ABLIM2: variants seen among roughly 807,000 people sequenced by gnomAD.
ABLIM2 encodes actin-binding LIM protein 2.
In ABLIM2, 53 loss-of-function variants were observed where a neutral mutation model predicts 97.7. That is an observed-to-expected ratio of 0.54 (90% CI 0.44 to 0.68). The LOEUF (loss-of-function observed/expected upper bound fraction) is 0.68, where lower values mean the gene tolerates loss of function less well. ABLIM2 is among the 30% of genes least tolerant of loss of function. The probability of loss-of-function intolerance (pLI) is 0.00; values close to 1 mark genes in which losing one functional copy is unlikely to be tolerated. For synonymous variants in ABLIM2, 361 were observed against 345.8 expected (o/e 1.04, Z -0.49); for missense variants, 835 against 867.2 (o/e 0.96, Z 0.47).
At chr4:8,143,064 C>T (rs1030917810) in intron 1 of ABLIM2, among the ~76,000 whole-genome samples, 6 of 150,462 alleles carry the variant, frequency 4.0e-5, no homozygotes, top group East Asian at 2.0e-4. Context: ...CTGGCAATAC[C>T]GGCTCTTGTC....
At position 8,127,472 on chromosome 4, in the gene ABLIM2, T is replaced by C. The variant is rs1029026644; in HGVS notation, c.11-20835A>G. The C allele has an allele frequency of 1.6e-6, 2 of 1,282,378 alleles. No individual in the cohort carries two copies. Among genetic ancestry groups the C allele is most frequent in the African/African-American group, 3.0e-5 (2 of 65,606 alleles). 79.4% of individuals were successfully genotyped at this position (1,282,378 alleles called of 1,614,324 possible). ...GATTCATGGAGCTCACAGCTCCCAG[T>C]CCCCTGAAGCTGACTCATGGAGCTC... On this transcript the variant is annotated intron_variant, in intron 1 of 20. Coordinates refer to ENST00000447017, the MANE Select transcript of ABLIM2 (RefSeq NM_001130083.2). The surrounding 1 kb of genome is among the most constrained non-coding windows in gnomAD (Gnocchi z 7.3).
At position 8,040,668 on chromosome 4, in the gene ABLIM2, C is replaced by T. The variant is rs184888315; in HGVS notation, c.901-4373G>A. 3.0e-4 allele frequency among the ~76,000 whole-genome samples: 46 copies of T among 152,018 alleles called. No individual in the cohort carries two copies. The Middle Eastern group carries it at 0.014, about 46-fold the overall frequency. Reference sequence around the variant, plus strand: ...GGGCAGAACCCTGGGATAAGGAGGGCTTGCCCACCACATCACATCATCTTG... The same window carrying T: ...GGGCAGAACCCTGGGATAAGGAGGGTTTGCCCACCACATCACATCATCTTG... On this transcript the variant is annotated intron_variant, in intron 9 of 20. Coordinates refer to ENST00000447017, the MANE Select transcript of ABLIM2 (RefSeq NM_001130083.2).
chr4:8,148,629 C>T lies in ABLIM2; in HGVS notation c.10+10051G>A, dbSNP rs144226848. ...CGGTGCTGGGTCCACACTGGGGAAGCGCGTAAGCCGTTCCCCCGTGGGCAT... is the reference window on the plus strand; with the variant it reads ...CGGTGCTGGGTCCACACTGGGGAAGTGCGTAAGCCGTTCCCCCGTGGGCAT... On this transcript the variant is annotated intron_variant, in intron 1 of 20. Coordinates refer to ENST00000447017, the MANE Select transcript of ABLIM2 (RefSeq NM_001130083.2). This position sits in a 1 kb window ranked among gnomAD's most constrained non-coding sequence, Gnocchi z 6.7. Among the ~76,000 whole-genome samples the T allele has an allele frequency of 1.2e-3, 168 of 143,128 alleles. 1 individual carries two copies. The highest frequency in any genetic ancestry group is 3.9e-3 in the East Asian group (20 of 5,072). The allele number at this position is 143,128 out of a possible 152,430, so 93.9% of individuals were successfully genotyped here.
intron 20 of ABLIM2, among the ~76,000 whole-genome samples, chr4:7,968,720 C>T (rs979548670): frequency 3.3e-5 from 5 of 152,174 alleles, no homozygotes; most frequent in Non-Finnish European, 5.9e-5. Context: ...ATGGGGTTTC[C>T]TCTTGTGGTG....
rs934760803 is a variant in ABLIM2, at chr4:8,123,643, C to T, written c.11-17006G>A. On this transcript the variant is annotated intron_variant, in intron 1 of 20. Coordinates refer to ENST00000447017, the MANE Select transcript of ABLIM2 (RefSeq NM_001130083.2). The surrounding 1 kb of genome is among the most constrained non-coding windows in gnomAD (Gnocchi z 6.2). Reference sequence around the variant, plus strand: ...TGACATTCACTAACCACCTGCATGACAGAGGCAGCCAGCCCCTGCCTTAAA... The same window carrying T: ...TGACATTCACTAACCACCTGCATGATAGAGGCAGCCAGCCCCTGCCTTAAA... Among the ~76,000 whole-genome samples the T allele has an allele frequency of 6.6e-6, 1 of 152,242 alleles. No homozygotes were observed. Among genetic ancestry groups the T allele is most frequent in the African/African-American group, 2.4e-5 (1 of 41,470 alleles).
chr4:8,019,647 T>C lies in ABLIM2; in HGVS notation c.1394A>G (p.Tyr465Cys), dbSNP rs1157525070. Residue 465 changes from tyrosine to cysteine, a missense_variant, in exon 14 of 21, where the codon TAT becomes TGT. By Grantham distance (194) the Tyr-to-Cys change is radical. Transcript: ENST00000447017. This position sits in a 1 kb window ranked among gnomAD's most constrained non-coding sequence, Gnocchi z 4.3. Reference protein sequence around the residue: ...VPDTGVKDNIYRKPPIYRQHA... With the variant: ...VPDTGVKDNICRKPPIYRQHA... The stretch of plus-strand genomic sequence containing the variant: ...CTGTCTGTAGATAGGGGGTTTCCTA[T>C]AGATGTTATCTTTTACGCCAGTGTC... 1 of 1,612,650 alleles carries C rather than the reference T, an allele frequency of 6.2e-7. No individual in the cohort carries two copies. Among genetic ancestry groups the C allele is most frequent in the Non-Finnish European group, 8.5e-7 (1 of 1,179,452 alleles).
intron 14 of ABLIM2, among the ~76,000 whole-genome samples, chr4:8,011,571 A>T (rs956797812): frequency 6.6e-6 from 1 of 152,254 alleles, no homozygotes; most frequent in Non-Finnish European, 1.5e-5. Flanking sequence ...GCTGGAACAT[A>T]ATAGGAAACT....
intron 7 of ABLIM2, among the ~76,000 whole-genome samples, chr4:8,060,266 C>T (rs998450156): frequency 1.3e-5 from 2 of 152,132 alleles, no homozygotes; most frequent in East Asian, 1.9e-4. Context: ...AAGGGTTAAT[C>T]TGGGAGGAGG....
Position 8,156,358 on chromosome 4 carries a change from G to A in ABLIM2, c.10+2322C>T, listed in dbSNP as rs1715334206. Among the ~76,000 whole-genome samples, 2 of 151,998 alleles carry A rather than the reference G, an allele frequency of 1.3e-5. 1 individual carries two copies. The highest frequency in any genetic ancestry group is 4.1e-4 in the South Asian group (2 of 4,836). The stretch of plus-strand genomic sequence containing the variant: ...CATACTACTGGGGAAACTGAGGCAG[G>A]GGGCGCCCCACAGCTAGGACATTGG... On this transcript the variant is annotated intron_variant, in intron 1 of 20. Transcript: ENST00000447017.
Position 8,128,619 on chromosome 4 carries a change from G to T in ABLIM2, c.11-21982C>A, listed in dbSNP as rs1848861877. ...CAGGTCTCCTTGCCCTGGCTCTAAGGCAGGAAAGCGATGAAGTCATTGTCT... is the reference window on the plus strand; with the variant it reads ...CAGGTCTCCTTGCCCTGGCTCTAAGTCAGGAAAGCGATGAAGTCATTGTCT... On this transcript the variant is annotated intron_variant, in intron 1 of 20. Coordinates refer to ENST00000447017, the MANE Select transcript of ABLIM2 (RefSeq NM_001130083.2). This position sits in a 1 kb window ranked among gnomAD's most constrained non-coding sequence, Gnocchi z 4.9. Among the ~76,000 whole-genome samples, 1 of 152,196 alleles carries T rather than the reference G, an allele frequency of 6.6e-6. No individual in the cohort carries two copies. The highest frequency in any genetic ancestry group is 1.5e-5 in the Non-Finnish European group (1 of 68,024).
chr4:8,017,943 A>G (rs1770658840), intron 14 of ABLIM2, among the ~76,000 whole-genome samples: 1 of 152,046 alleles, frequency 6.6e-6, no homozygotes, highest in East Asian at 1.9e-4. Flanking sequence ...CAGTAAGCCA[A>G]GATCGCACCA....
At chr4:7,972,531 C>T (rs1728959280) in intron 20 of ABLIM2, among the ~76,000 whole-genome samples, 1 of 152,220 alleles carries the variant, frequency 6.6e-6, no homozygotes, top group Non-Finnish European at 1.5e-5. Flanking sequence ...ACAGCACTGT[C>T]CCATCCTCAC....
At chr4:8,081,563 G>A (rs1464523812) in intron 4 of ABLIM2, among the ~76,000 whole-genome samples, 1 of 152,224 alleles carries the variant, frequency 6.6e-6, no homozygotes, top group Non-Finnish European at 1.5e-5. Flanking sequence ...GCTGGGGAGA[G>A]CCTGGTGCAC....
intron 10 of ABLIM2, among the ~76,000 whole-genome samples, chr4:8,034,503 A>T (rs1478609485): frequency 4.8e-5 from 1 of 20,688 alleles, no homozygotes; most frequent in African/African-American, 2.3e-4. Flanking sequence ...GGTGGGTGGT[A>T]GGTAGGTGGG....
Position 7,998,361 on chromosome 4 carries a change from G to A in ABLIM2, c.1619-5434C>T, listed in dbSNP as rs1479101462. ...TGTTTAGGTTTCGCGTGTACAGCCT[G>A]TTCTTTTGGAGGCTACGGTTCCAAT... On this transcript the variant is annotated intron_variant, in intron 16 of 20. Transcript: ENST00000447017. This position sits in a 1 kb window ranked among gnomAD's most constrained non-coding sequence, Gnocchi z 6.4. Among the ~76,000 whole-genome samples the A allele has an allele frequency of 6.6e-6, 1 of 152,200 alleles. No homozygotes were observed. Among genetic ancestry groups the A allele is most frequent in the African/African-American group, 2.4e-5 (1 of 41,458 alleles).
At position 7,967,016 on chromosome 4, in the gene ABLIM2, G is replaced by T; in HGVS notation, c.1912C>A (p.Leu638Ile). The T allele has an allele frequency of 6.2e-7, 1 of 1,613,728 alleles. No individual in the cohort carries two copies. Residue 638 changes from leucine (L) to isoleucine (I), a missense_variant, in exon 21 of 21, where the codon CTT becomes ATT. Transcript: ENST00000447017. ...DRLALWKRND[L>I]KKKALLF Reference sequence around the variant, plus strand: ...CAGAACAAAAGGGCTTTCTTCTTAAGGTCATTCCTCTTCCAGAGGGCCAGG... The same window carrying T: ...CAGAACAAAAGGGCTTTCTTCTTAATGTCATTCCTCTTCCAGAGGGCCAGG...
At position 8,120,436 on chromosome 4, in the gene ABLIM2, G is replaced by A. The variant is rs775652650; in HGVS notation, c.11-13799C>T. 2.6e-5 allele frequency among the ~76,000 whole-genome samples: 4 copies of A among 152,142 alleles called. No homozygotes were observed. The East Asian group carries it at 5.8e-4, about 22-fold the overall frequency. On this transcript the variant is annotated intron_variant, in intron 1 of 20. Coordinates refer to ENST00000447017, the MANE Select transcript of ABLIM2 (RefSeq NM_001130083.2). This position sits in a 1 kb window ranked among gnomAD's most constrained non-coding sequence, Gnocchi z 5.6. The stretch of plus-strand genomic sequence containing the variant: ...CAGAGACAACCCCAGACAATCCCCC[G>A]TCTGTGTGTTTTGTCGTGGCAGCAT...
chr4:8,136,823 C>A (rs773834757), intron 1 of ABLIM2, among the ~76,000 whole-genome samples: 35 of 152,250 alleles, frequency 2.3e-4, no homozygotes, highest in Non-Finnish European at 4.1e-4. Context: ...GAGCACACAG[C>A]GGGGCCTCCC....
chr4:8,129,950 G>A (rs959813671), intron 1 of ABLIM2, among the ~76,000 whole-genome samples: 3 of 152,242 alleles, frequency 2.0e-5, no homozygotes, highest in African/African-American at 4.8e-5. Flanking sequence ...AGCCCAGGAC[G>A]TGGGCCAGGG....
Sources: allele counts gnomAD v4.1 joint callset (sites outside exome capture counted in the v4.1 genomes callset), GRCh38; gene constraint gnomAD v4.1.1; non-coding constraint Gnocchi (gnomAD v3.1); transcripts MANE v1.5; gene names NCBI Gene and HGNC (gene_info 2026-07-23, HGNC 2026-07-21).